MACROD2: variants seen among roughly 807,000 people sequenced by gnomAD.
MACROD2 encodes ADP-ribose glycohydrolase MACROD2.
Under a neutral mutation model 70.4 loss-of-function variants are expected in MACROD2, and 36 were observed. The observed-to-expected ratio is 0.51, with a 90% CI of 0.39 to 0.68. The LOEUF (loss-of-function observed/expected upper bound fraction) is 0.68, where lower values mean the gene tolerates loss of function less well. Ranked by LOEUF, MACROD2 falls within the 30% of genes least tolerant of loss-of-function variation. The pLI is 0.00. For missense variants in MACROD2, 496 were observed against 538.4 expected (o/e 0.92, Z 0.78); for synonymous variants, 172 against 178.8 (o/e 0.96, Z 0.30).
At chr20:14,938,010 T>G (rs866350923) in intron 5 of MACROD2, among the ~76,000 whole-genome samples, 3,803 of 151,458 alleles carry the variant, frequency 0.025, 165 homozygotes, top group African/African-American at 0.087. Flanking sequence ...CAAGTTTTTT[T>G]TTTTTTTTTT....
intron 8 of MACROD2, among the ~76,000 whole-genome samples, chr20:15,672,563 T>TCCA (rs2049995742): frequency 6.6e-6 from 1 of 152,132 alleles, no homozygotes; most frequent in East Asian, 1.9e-4. Context: ...GTTCTTCAGA[T>TCCA]GGGGTGAGTT....
At chr20:15,652,184 G>T (rs2049655083) in intron 8 of MACROD2, among the ~76,000 whole-genome samples, 1 of 152,088 alleles carries the variant, frequency 6.6e-6, no homozygotes, top group Admixed American at 6.5e-5. Flanking sequence ...TATCAAAAAA[G>T]GCCTTTTCTT....
At chr20:15,833,734 T>G (rs948315756) in intron 8 of MACROD2, among the ~76,000 whole-genome samples, 1 of 152,216 alleles carries the variant, frequency 6.6e-6, no homozygotes, top group Non-Finnish European at 1.5e-5. Context: ...TGACTCATCT[T>G]CATCAGTGGA....
intron 7 of MACROD2, among the ~76,000 whole-genome samples, chr20:15,472,209 C>T (rs1038839769): frequency 1.3e-5 from 2 of 152,194 alleles, no homozygotes; most frequent in Non-Finnish European, 2.9e-5. Context: ...TGCTTCAACA[C>T]TATCTCTTCT....
intron 6 of MACROD2, among the ~76,000 whole-genome samples, chr20:15,410,170 C>G (rs1600371956): frequency 6.6e-6 from 1 of 152,130 alleles, no homozygotes; most frequent in East Asian, 1.9e-4. Context: ...ACCAAACTTA[C>G]ATGGATAAAT....
chr20:14,643,862 G>C (rs761457608), intron 4 of MACROD2, among the ~76,000 whole-genome samples: 1 of 152,106 alleles, frequency 6.6e-6, no homozygotes, highest in African/African-American at 2.4e-5. Context: ...GTATGGGTAG[G>C]TAAATGAATG....
intron 4 of MACROD2, among the ~76,000 whole-genome samples, chr20:14,596,988 C>T (rs1421500483): frequency 1.3e-5 from 2 of 152,124 alleles, no homozygotes; most frequent in Non-Finnish European, 2.9e-5. Context: ...TTTTAAACAT[C>T]ACTACACTGA....
chr20:14,904,105 T>C (rs2073930492), intron 5 of MACROD2, among the ~76,000 whole-genome samples: 1 of 152,178 alleles, frequency 6.6e-6, no homozygotes, highest in African/African-American at 2.4e-5. Flanking sequence ...TGTCTACATC[T>C]ACCAAAGACT....
intron 4 of MACROD2, among the ~76,000 whole-genome samples, chr20:14,638,720 G>A (rs1984920323): frequency 6.6e-6 from 1 of 152,166 alleles, no homozygotes; most frequent in South Asian, 2.1e-4. Context: ...TGAGGCCATG[G>A]CGGGAGGATC....
At chr20:15,389,343 G>C (rs1055808291) in intron 6 of MACROD2, among the ~76,000 whole-genome samples, 8 of 152,208 alleles carry the variant, frequency 5.3e-5, no homozygotes, top group Admixed American at 5.2e-4. Context: ...TGTGAAGAAG[G>C]AGAAGGAAGA....
At chr20:14,987,329 G>A (rs1032117702) in intron 5 of MACROD2, among the ~76,000 whole-genome samples, 11 of 152,134 alleles carry the variant, frequency 7.2e-5, no homozygotes, top group Middle Eastern at 6.8e-3. Flanking sequence ...TGGATAAAGC[G>A]GTTAACACAA....
intron 8 of MACROD2, among the ~76,000 whole-genome samples, chr20:15,806,629 A>G (rs534707093): frequency 6.6e-5 from 10 of 152,308 alleles, no homozygotes; most frequent in African/African-American, 2.4e-4. Flanking sequence ...TCTGAGCTCT[A>G]AACAAAACTT....
intron 5 of MACROD2, among the ~76,000 whole-genome samples, chr20:14,811,578 A>G (rs2072711389): frequency 2.0e-5 from 3 of 152,186 alleles, no homozygotes; most frequent in African/African-American, 4.8e-5. Context: ...AAATTGACAA[A>G]TGGGATCTAA....
intron 5 of MACROD2, among the ~76,000 whole-genome samples, chr20:14,778,925 G>A (rs1291393480): frequency 6.6e-6 from 1 of 152,112 alleles, no homozygotes; most frequent in African/African-American, 2.4e-5. Context: ...TTAGGGAGGA[G>A]TAAGAGCTAG....
intron 6 of MACROD2, among the ~76,000 whole-genome samples, chr20:15,411,180 A>ACACACAC (rs1555815604): frequency 6.7e-6 from 1 of 149,250 alleles, no homozygotes. Context: ...ACACACACAC[A>ACACACAC]AAGCTGAGAG....
At chr20:14,224,018 C>T (rs1267274739) in intron 3 of MACROD2, among the ~76,000 whole-genome samples, 2 of 152,136 alleles carry the variant, frequency 1.3e-5, no homozygotes, top group African/African-American at 2.4e-5. Context: ...GCCTCAGGGG[C>T]GGTGAGTCAT....
chr20:15,712,145 C>A (rs1383817394), intron 8 of MACROD2, among the ~76,000 whole-genome samples: 1 of 152,210 alleles, frequency 6.6e-6, no homozygotes, highest in African/African-American at 2.4e-5. Flanking sequence ...ACTAACATAT[C>A]TCCTTGCTAA....
chr20:14,512,706 T>TTG (rs1414035163), intron 4 of MACROD2, among the ~76,000 whole-genome samples: 9 of 152,078 alleles, frequency 5.9e-5, no homozygotes, highest in Admixed American at 5.9e-4. Context: ...GATGCTCTTG[T>TTG]TGGAAACTAA....
chr20:15,124,418 T>A (rs1469784186), intron 5 of MACROD2, among the ~76,000 whole-genome samples: 1 of 151,578 alleles, frequency 6.6e-6, no homozygotes, highest in Non-Finnish European at 1.5e-5. Context: ...TAAAAGTCAT[T>A]TGGTCATCTG....
Sources: gnomAD v4.1 joint callset for allele counts (sites outside exome capture counted in the v4.1 genomes callset) on GRCh38, gnomAD v4.1.1 for gene constraint, MANE v1.5 for transcripts, NCBI Gene and HGNC (gene_info 2026-07-23, HGNC 2026-07-21) for gene names.